Variants in GALNT13 observed in about 807,000 individuals in gnomAD.
GALNT13 encodes the protein UDP-GalNAc:polypeptide N-acetylgalactosaminyltransferase 13.
In GALNT13, 28 loss-of-function variants were observed where a neutral mutation model predicts 64.2. That is an observed-to-expected ratio of 0.44 (90% confidence interval 0.32 to 0.60). GALNT13 has a LOEUF of 0.60. Ranked by LOEUF, GALNT13 falls within the 20% of genes least tolerant of loss-of-function variation. The pLI, the probability that GALNT13 is intolerant of heterozygous loss-of-function variation, is 0.05. For missense variants in GALNT13, 577 were observed against 669.8 expected (o/e 0.86, Z 1.53); for synonymous variants, 214 against 224.6 (o/e 0.95, Z 0.42).
At chr2:153,957,852 C>G (rs1417768639) in intron 3 of GALNT13, among the ~76,000 whole-genome samples, 1 of 152,034 alleles carries the variant, frequency 6.6e-6, no homozygotes. Flanking sequence ...GCTTTTTTCC[C>G]ACAGCAGAGC....
intron 3 of GALNT13, among the ~76,000 whole-genome samples, chr2:153,949,637 GA>G: frequency 6.6e-6 from 1 of 152,076 alleles, no homozygotes; most frequent in South Asian, 2.1e-4. Context: ...AAAGATTCCA[GA>G]AAGCCCAGGA....
the GALNT13 span, among the ~76,000 whole-genome samples, chr2:153,466,534 A>T: frequency 6.6e-6 from 1 of 151,980 alleles, no homozygotes; most frequent in African/African-American, 2.4e-5. Context: ...GATTGTAATA[A>T]TCCAAAAACA....
At chr2:154,150,054 C>T (rs200483776) in intron 4 of GALNT13, among the ~76,000 whole-genome samples, 8 of 151,952 alleles carry the variant, frequency 5.3e-5, no homozygotes, top group Non-Finnish European at 7.4e-5. Context: ...GTATGATATT[C>T]GCTGTGGGTT....
the GALNT13 span, among the ~76,000 whole-genome samples, chr2:153,795,765 T>A: frequency 1.3e-5 from 2 of 152,180 alleles, no homozygotes; most frequent in East Asian, 3.9e-4. Flanking sequence ...TGTTTGTGTT[T>A]TCAATGGCAA....
At chr2:153,431,989 C>T in the GALNT13 span, among the ~76,000 whole-genome samples, 2 of 152,132 alleles carry the variant, frequency 1.3e-5, no homozygotes, top group African/African-American at 4.8e-5. Context: ...TTTAAACTTC[C>T]AGGAACACTC....
chr2:154,377,102 C>T (rs578067526), intron 9 of GALNT13, among the ~76,000 whole-genome samples: 2 of 152,148 alleles, frequency 1.3e-5, no homozygotes, highest in Admixed American at 1.3e-4. Context: ...TTTTTGAAAA[C>T]AGTGAAATGA....
At chr2:154,411,570 G>GA (rs1269350050) in intron 11 of GALNT13, among the ~76,000 whole-genome samples, 2 of 151,746 alleles carry the variant, frequency 1.3e-5, no homozygotes, top group Non-Finnish European at 3.0e-5. Flanking sequence ...TCTCATTTAT[G>GA]AAAAAATATT....
the GALNT13 span, among the ~76,000 whole-genome samples, chr2:153,347,909 C>A: frequency 1.3e-5 from 2 of 152,166 alleles, no homozygotes; most frequent in Non-Finnish European, 2.9e-5. Context: ...GTTAATGCAT[C>A]ATTTTTATTG....
chr2:153,784,920 G>A, the GALNT13 span, among the ~76,000 whole-genome samples: 9 of 152,242 alleles, frequency 5.9e-5, no homozygotes, highest in Admixed American at 5.9e-4. Context: ...AGACAACTAG[G>A]GACTGAAGTG....
At chr2:153,944,140 A>G (rs576861469) in intron 2 of GALNT13, among the ~76,000 whole-genome samples, 3 of 152,288 alleles carry the variant, frequency 2.0e-5, no homozygotes, top group East Asian at 1.9e-4. Context: ...GTTCATTACA[A>G]TACAACTTAA....
At chr2:153,716,096 T>G in the GALNT13 span, among the ~76,000 whole-genome samples, 1 of 152,170 alleles carries the variant, frequency 6.6e-6, no homozygotes, top group Admixed American at 6.5e-5. Flanking sequence ...CTTGTCTGAG[T>G]ATCCTTTGAG....
the GALNT13 span, among the ~76,000 whole-genome samples, chr2:153,419,428 AG>A: frequency 6.6e-6 from 1 of 152,186 alleles, no homozygotes; most frequent in Non-Finnish European, 1.5e-5. Context: ...TGACTGAAAA[AG>A]GCCAGTCTCA....
the GALNT13 span, among the ~76,000 whole-genome samples, chr2:153,222,122 C>G: frequency 1.3e-5 from 2 of 151,674 alleles, no homozygotes; most frequent in African/African-American, 4.8e-5. Flanking sequence ...ATGCGGACAA[C>G]TGGAGGGTGA....
At chr2:154,444,311 A>G (rs1701454513) in intron 12 of GALNT13, among the ~76,000 whole-genome samples, 1 of 152,152 alleles carries the variant, frequency 6.6e-6, no homozygotes, top group Non-Finnish European at 1.5e-5. Context: ...CACATATAGA[A>G]ATGTGCAAGG....
At chr2:153,154,553 A>G in the GALNT13 span, among the ~76,000 whole-genome samples, 1 of 151,772 alleles carries the variant, frequency 6.6e-6, no homozygotes, top group Admixed American at 6.6e-5. Context: ...TGGCTTCACT[A>G]TTGTTGGTAT....
At chr2:154,354,375 C>T (rs987834927) in intron 9 of GALNT13, among the ~76,000 whole-genome samples, 8 of 125,164 alleles carry the variant, frequency 6.4e-5, no homozygotes, top group African/African-American at 2.1e-4. Context: ...CTTTGCCAGA[C>T]AGATAGATGC....
the GALNT13 span, among the ~76,000 whole-genome samples, chr2:153,404,759 A>G: frequency 5.3e-5 from 8 of 152,218 alleles, no homozygotes; most frequent in Non-Finnish European, 1.0e-4. Flanking sequence ...AATGTATAGA[A>G]GTATGCATAT....
rs191233577 is a variant in GALNT13 at position 154,267,926 on chromosome 2, C to A, written c.975+8788C>A. Among the ~76,000 whole-genome samples, 804 of 152,180 alleles carry A rather than the reference C, an allele frequency of 5.3e-3. 1 individual carries two copies. The highest frequency in any genetic ancestry group is 0.02 in the Middle Eastern group (6 of 294). On this transcript the variant is annotated intron_variant, in intron 8 of 12. Transcript: ENST00000392825. Reference sequence around the variant, plus strand: ...TAGTGGGGAAATGAAATTTAAACCACAATGAGATTACACTATGCATTTATT... The same window carrying A: ...TAGTGGGGAAATGAAATTTAAACCAAAATGAGATTACACTATGCATTTATT...
At chr2:153,478,206 G>T in the GALNT13 span, 1 of 1,574,402 alleles carries the variant, frequency 6.4e-7, no homozygotes, top group East Asian at 2.3e-5. Context: ...GGCAGGCGTG[G>T]GAGCGGTTGC....
Sources: gnomAD v4.1 joint callset for allele counts (sites outside exome capture counted in the v4.1 genomes callset) on GRCh38, gnomAD v4.1.1 for gene constraint, MANE v1.5 for transcripts, NCBI Gene and HGNC (gene_info 2026-07-23, HGNC 2026-07-21) for gene names.